Variants in OR10G3 observed in about 807,000 individuals in gnomAD.
The protein encoded by OR10G3 is olfactory receptor 10G3.
Under a neutral mutation model 13.4 loss-of-function variants are expected in OR10G3, and 8 were observed. The observed-to-expected ratio is 0.60, with a 90% CI of 0.35 to 1.08. OR10G3 has a LOEUF of 1.08. Among genes scored for constraint, OR10G3 ranks in the 50% least tolerant of loss-of-function variants. The probability of loss-of-function intolerance (pLI) is 0.02; values close to 1 mark genes in which losing one functional copy is unlikely to be tolerated. For missense variants in OR10G3, 393 were observed against 386.6 expected, an observed-to-expected ratio of 1.02 and a Z score of -0.14; for synonymous variants, 142 against 156.1, an observed-to-expected ratio of 0.91 and a Z score of 0.67.
chr14:21,570,591 C>G lies in OR10G3; in HGVS notation c.154G>C (p.Asp52His). The change falls in exon 2 of 2, where the codon GAC (aspartate) becomes CAC (histidine). Residue 52 changes from aspartate (D) to histidine (H), a missense_variant. Coordinates refer to ENST00000641040, the MANE Select transcript of OR10G3 (RefSeq NM_001005465.2). Reference sequence around the variant, plus strand: ...ATGGGGCGGGCATGGAGCCTTGGGTCTGCCCAGACAGTGATTAAAATAAGC... The same window carrying G: ...ATGGGGCGGGCATGGAGCCTTGGGTGTGCCCAGACAGTGATTAAAATAAGC... The part of the protein sequence containing the change: ...NLLILITVWA[D>H]PRLHARPMYI... 1 of 1,614,058 alleles carries G rather than the reference C, an allele frequency of 6.2e-7. No individual in the cohort carries two copies. Among genetic ancestry groups the G allele is most frequent in the Non-Finnish European group, 8.5e-7 (1 of 1,180,022 alleles).
rs145034416 is a variant in OR10G3 at position 21,568,955 on chromosome 14, A to C, written c.*848T>G. The C allele has an allele frequency of 0.086, 13,050 of 151,502 alleles. 718 individuals are homozygous for C. Among genetic ancestry groups the C allele is most frequent in the South Asian group, 0.21 (1,000 of 4,804 alleles). 9.4% of individuals were successfully genotyped at this position (151,502 alleles called of 1,614,324 possible). On this transcript the variant is annotated 3_prime_UTR_variant, in exon 2 of 2. Coordinates refer to ENST00000641040, the MANE Select transcript of OR10G3 (RefSeq NM_001005465.2). ...GACCTCGTGATCCGCTTGCCTCAGC[A>C]TCCCAAAGTGCTGGGATTACAAGCG...
intron 1 of OR10G3, among the ~76,000 whole-genome samples, chr14:21,578,957 T>G (rs1876821044): frequency 6.6e-6 from 1 of 152,178 alleles, no homozygotes; most frequent in Non-Finnish European, 1.5e-5. Flanking sequence ...TTTAAAATAT[T>G]TGCCAACAAA....
intron 1 of OR10G3, among the ~76,000 whole-genome samples, chr14:21,576,023 C>T (rs1893125563): frequency 6.6e-6 from 1 of 152,112 alleles, no homozygotes. Flanking sequence ...TTGGGAAATT[C>T]ATGGCAGTGC....
Position 21,570,239 on chromosome 14 carries a change from T to C in OR10G3, c.506A>G (p.Tyr169Cys), listed in dbSNP as rs1439872886. Residue 169 changes from tyrosine (Y) to cysteine (C), a missense_variant, in exon 2 of 2, where the codon TAC becomes TGC. Transcript: ENST00000641040. ...LQAILTFRLP[Y>C]CGPNQVDYFF... is the part of the protein sequence containing the mutation. ...GTAATCCACCTGATTGGGCCCACAG[T>C]AGGGCAGGCGGAAGGTTAGGATGGC... The C allele has an allele frequency of 1.2e-5, 20 of 1,614,086 alleles. No individual in the cohort carries two copies. The highest frequency in any genetic ancestry group is 1.7e-5 in the Non-Finnish European group (20 of 1,179,998).
Position 21,578,203 on chromosome 14 carries a change from G to A in OR10G3, c.-18+1583C>T, listed in dbSNP as rs146307592. Reference sequence around the variant, plus strand: ...AGGCTGGTGGATCACCTGATGTCAGGAGTTTGAGACCAGTGTGGCCAACAT... The same window carrying A: ...AGGCTGGTGGATCACCTGATGTCAGAAGTTTGAGACCAGTGTGGCCAACAT... On this transcript the variant is annotated intron_variant, in intron 1 of 1. Coordinates refer to ENST00000641040, the MANE Select transcript of OR10G3 (RefSeq NM_001005465.2). Among the ~76,000 whole-genome samples the A allele has an allele frequency of 1.1e-3, 174 of 152,128 alleles. 1 individual carries two copies. Among genetic ancestry groups the A allele is most frequent in the African/African-American group, 4.0e-3 (168 of 41,498 alleles).
intron 1 of OR10G3, among the ~76,000 whole-genome samples, chr14:21,571,688 T>G (rs924863616): frequency 3.3e-5 from 5 of 152,110 alleles, no homozygotes; most frequent in African/African-American, 9.6e-5. Flanking sequence ...ATTTCTTTTT[T>G]TTTTTGAGAC....
At chr14:21,578,061 C>T (rs1037522032) in intron 1 of OR10G3, among the ~76,000 whole-genome samples, 1 of 151,522 alleles carries the variant, frequency 6.6e-6, no homozygotes, top group Non-Finnish European at 1.5e-5. Flanking sequence ...GATACTTAGT[C>T]TTTGAATATA....
At chr14:21,575,785 G>A (rs1057210736) in intron 1 of OR10G3, among the ~76,000 whole-genome samples, 4 of 151,480 alleles carry the variant, frequency 2.6e-5, no homozygotes, top group Non-Finnish European at 5.9e-5. Context: ...TTAAAAAAAA[G>A]GCAGTAAATC....
rs1893026120 is a variant in OR10G3 at position 21,568,619 on chromosome 14, C to T, written c.*1184G>A. 6.6e-6 allele frequency: 1 copy of T among 151,948 alleles called. No homozygotes were observed. The highest frequency in any genetic ancestry group is 2.1e-4 in the South Asian group (1 of 4,828). The allele number at this position is 151,948 out of a possible 1,614,324, so 9.4% of individuals were successfully genotyped here. A position where few individuals can be genotyped will look rare whatever the true frequency, so the allele number is the denominator to read the frequency against. On this transcript the variant is annotated 3_prime_UTR_variant, in exon 2 of 2. Transcript: ENST00000641040. ...TGGTGATTTCTGAGATTTTGGTGCACCCATAACCCAAGCAGTGTACACTGT... is the reference window on the plus strand; with the variant it reads ...TGGTGATTTCTGAGATTTTGGTGCATCCATAACCCAAGCAGTGTACACTGT...
intron 1 of OR10G3, among the ~76,000 whole-genome samples, chr14:21,575,939 C>A (rs1893124649): frequency 6.6e-6 from 1 of 152,216 alleles, no homozygotes; most frequent in African/African-American, 2.4e-5. Flanking sequence ...GATGCCAGAG[C>A]TACAGATGCT....
At chr14:21,576,565 C>G (rs1893131140) in intron 1 of OR10G3, among the ~76,000 whole-genome samples, 2 of 152,204 alleles carry the variant, frequency 1.3e-5, no homozygotes, top group Admixed American at 6.5e-5. Flanking sequence ...TAATTATTTT[C>G]TCCCTGAATT....
intron 1 of OR10G3, among the ~76,000 whole-genome samples, chr14:21,573,912 T>C (rs1487393664): frequency 1.3e-5 from 2 of 152,200 alleles, no homozygotes; most frequent in Admixed American, 6.5e-5. Context: ...TTAACTATTA[T>C]TTATTGATTA....
At position 21,570,265 on chromosome 14, in the gene OR10G3, C is replaced by G. The variant is rs755192413; in HGVS notation, c.480G>C (p.Gln160His). 2 of 1,614,232 alleles carry G rather than the reference C, an allele frequency of 1.2e-6. No homozygotes were observed. The highest frequency in any genetic ancestry group is 1.7e-6 in the Non-Finnish European group (2 of 1,180,036). The change falls in exon 2 of 2, where the codon CAG (glutamine) becomes CAC (histidine). Residue 160 changes from glutamine (Q) to histidine (H), a missense_variant. Physicochemically the swap from Gln to His is conservative, Grantham distance 24. Transcript: ENST00000641040. ...WMAGSIHGALQAILTFRLPYC... is the reference protein window; with the variant it reads ...WMAGSIHGALHAILTFRLPYC... ...AGGGCAGGCGGAAGGTTAGGATGGC[C>G]TGGAGAGCCCCATGGATGGATCCTG... is the stretch of plus-strand genomic sequence containing the variant.
At chr14:21,576,390 A>G (rs1049293958) in intron 1 of OR10G3, among the ~76,000 whole-genome samples, 1 of 152,216 alleles carries the variant, frequency 6.6e-6, no homozygotes, top group Non-Finnish European at 1.5e-5. Context: ...GTTTTGAATC[A>G]CAGCAAGGGG....
At position 21,576,206 on chromosome 14, in the gene OR10G3, A is replaced by G. The variant is rs75747510; in HGVS notation, c.-18+3580T>C. Among the ~76,000 whole-genome samples, 1,382 of 152,298 alleles carry G rather than the reference A, an allele frequency of 9.1e-3. 17 individuals are homozygous for G. Among genetic ancestry groups the G allele is most frequent in the African/African-American group, 0.032 (1,320 of 41,552 alleles). On this transcript the variant is annotated intron_variant, in intron 1 of 1. Coordinates refer to ENST00000641040, the MANE Select transcript of OR10G3 (RefSeq NM_001005465.2). ...GAATCAGGCTGAGGGAAATCAGTTC[A>G]CACTATTCAAGTACCTGAGAGAATG...
At chr14:21,572,608 C>CAAAAAAAAAAAAAAAAAAAAAAAA (rs397852312) in intron 1 of OR10G3, among the ~76,000 whole-genome samples, 1 of 110,512 alleles carries the variant, frequency 9.0e-6, no homozygotes, top group Non-Finnish European at 1.8e-5. Context: ...AACAAACAAA[C>CAAAAAAAAAAAAAAAAAAAAAAAA]AAAAAAAAAA....
In OR10G3 at chr14:21,569,581, G is replaced by T; in HGVS notation, c.*222C>A. 1 of 509,572 alleles carries T rather than the reference G, an allele frequency of 2.0e-6. No individual in the cohort carries two copies. Among genetic ancestry groups the T allele is most frequent in the East Asian group, 3.4e-5 (1 of 29,456 alleles). The allele number at this position is 509,572 out of a possible 1,614,324, so 31.6% of individuals were successfully genotyped here. On this transcript the variant is annotated 3_prime_UTR_variant, in exon 2 of 2. Coordinates refer to ENST00000641040, the MANE Select transcript of OR10G3 (RefSeq NM_001005465.2). ...GATTGTTTAATGTGGTTTAGTTTGT[G>T]AGAATTTGGTCTCATTCTCTACTCT...
chr14:21,571,639 A>G (rs1304681318), intron 1 of OR10G3, among the ~76,000 whole-genome samples: 1 of 152,094 alleles, frequency 6.6e-6, no homozygotes, highest in East Asian at 1.9e-4. Context: ...TCAGTGTGGA[A>G]GAATTATTTT....
intron 1 of OR10G3, among the ~76,000 whole-genome samples, chr14:21,576,087 C>T (rs1053291109): frequency 5.3e-5 from 8 of 152,058 alleles, no homozygotes; most frequent in African/African-American, 9.7e-5. Context: ...GTCTGTGTGT[C>T]GTGTCATGGG....
Sources: allele counts gnomAD v4.1 joint callset (sites outside exome capture counted in the v4.1 genomes callset), GRCh38; gene constraint gnomAD v4.1.1; transcripts MANE v1.5; gene names NCBI Gene and HGNC (gene_info 2026-07-23, HGNC 2026-07-21).